Variants in LRRC69 observed in about 807,000 individuals in gnomAD.
LRRC69 encodes leucine-rich repeat-containing protein 69.
Under a neutral mutation model 37.8 loss-of-function variants are expected in LRRC69, and 42 were observed. The ratio of observed to expected loss-of-function variants is 1.11; its 90% CI spans 0.87 to 1.44. The LOEUF is 1.44. Ranked by LOEUF, LRRC69 falls within the 40% of genes most tolerant of loss-of-function variation. LRRC69 has a pLI of 0.00. For missense variants in LRRC69, 357 were observed against 401.9 expected, an observed-to-expected ratio of 0.89 and a Z score of 0.96; for synonymous variants, 141 against 143.1, an observed-to-expected ratio of 0.99 and a Z score of 0.11.
At chr8:91,134,431 G>A (rs1157981345) in intron 4 of LRRC69, among the ~76,000 whole-genome samples, 1 of 151,750 alleles carries the variant, frequency 6.6e-6, no homozygotes, top group Non-Finnish European at 1.5e-5. Flanking sequence ...CCAGCGTTCT[G>A]AGGTCCAAGG....
chr8:91,175,815 GTTT>G (rs11337903), intron 5 of LRRC69, among the ~76,000 whole-genome samples: 1 of 147,390 alleles, frequency 6.8e-6, no homozygotes. Flanking sequence ...CACCACCGGA[GTTT>G]TTTTTTTTTG....
chr8:91,110,442 C>G (rs1025056953), intron 1 of LRRC69, among the ~76,000 whole-genome samples: 2 of 151,910 alleles, frequency 1.3e-5, no homozygotes, highest in Non-Finnish European at 2.9e-5. Context: ...AAGTTTGAGA[C>G]CAGCCTTACC....
At chr8:91,135,766 T>C (rs1813902298) in intron 5 of LRRC69, 27 bp downstream of exon 5, 2 of 1,283,204 alleles carry the variant, frequency 1.6e-6, no homozygotes, top group Non-Finnish European at 2.1e-6. Context: ...TCCATTATAA[T>C]TGAAAAATAA....
At chr8:91,102,757 A>T in exon 1 of LRRC69, 1 of 1,552,004 alleles carries the variant, frequency 6.4e-7, no homozygotes, top group South Asian at 1.2e-5. Flanking sequence ...TGCCCTCAGC[A>T]TTAGGAAAAC....
At chr8:91,198,430 C>T (rs202113866) in intron 6 of LRRC69, among the ~76,000 whole-genome samples, 13 of 152,272 alleles carry the variant, frequency 8.5e-5, no homozygotes, top group African/African-American at 3.1e-4. Flanking sequence ...CTTGATGCTA[C>T]GTTTTAGTGC....
intron 6 of LRRC69, among the ~76,000 whole-genome samples, chr8:91,194,930 G>C (rs1204585077): frequency 6.6e-6 from 1 of 152,036 alleles, no homozygotes; most frequent in African/African-American, 2.4e-5. Flanking sequence ...TTTTAATTGT[G>C]ATGTTAGGGT....
At chr8:91,213,989 A>G (rs1047751230) in intron 7 of LRRC69, among the ~76,000 whole-genome samples, 26 of 152,180 alleles carry the variant, frequency 1.7e-4, no homozygotes, top group Middle Eastern at 3.4e-3. Context: ...CCTACTGAAC[A>G]TGTGGGGGAA....
chr8:91,148,290 T>A (rs1170812882), intron 5 of LRRC69, among the ~76,000 whole-genome samples: 3 of 151,540 alleles, frequency 2.0e-5, no homozygotes, highest in Non-Finnish European at 1.5e-5. Flanking sequence ...TGTCCATGTG[T>A]TCTCATTGTT....
intron 4 of LRRC69, 195 bp downstream of exon 4, chr8:91,133,500 C>A: frequency 2.3e-6 from 1 of 433,902 alleles, no homozygotes; most frequent in Non-Finnish European, 4.0e-6. Context: ...CTAGGGCTGC[C>A]AGATTTAGTA....
chr8:91,168,139 G>T (rs1489896493), intron 5 of LRRC69, among the ~76,000 whole-genome samples: 1 of 151,806 alleles, frequency 6.6e-6, no homozygotes, highest in Non-Finnish European at 1.5e-5. Flanking sequence ...TGAAGAAAAC[G>T]CTTAGGGCAT....
intron 1 of LRRC69, among the ~76,000 whole-genome samples, chr8:91,111,157 A>G (rs1378185469): frequency 6.6e-6 from 1 of 152,146 alleles, no homozygotes; most frequent in Non-Finnish European, 1.5e-5. Flanking sequence ...TGAATCATAG[A>G]ATCAACATAA....
intron 5 of LRRC69, among the ~76,000 whole-genome samples, chr8:91,166,492 G>GAA (rs66705016): frequency 0.05 from 4,733 of 94,638 alleles, 256 homozygotes; most frequent in African/African-American, 0.17. Flanking sequence ...AAAATAAACT[G>GAA]AAAAAAAAAA....
At position 91,103,288 on chromosome 8, in the gene LRRC69, TCA is replaced by T. The variant is rs1208312688; in HGVS notation, c.183+445_183+446del. ...TAGGATGCAGCAAGGGAGTTCCTTT[TCA>T]ATTTCCTAGGGCAGGCTGAAACTTT... On this transcript the variant is annotated intron_variant, in intron 1 of 7. Coordinates refer to ENST00000448384, the Ensembl canonical transcript of LRRC69. Among the ~76,000 whole-genome samples, 355 of 151,716 alleles carry T rather than the reference TCA, an allele frequency of 2.3e-3. 13 individuals are homozygous for T. The highest frequency in any genetic ancestry group is 5.3e-3 in the Admixed American group (80 of 15,170).
At chr8:91,156,222 C>T (rs921121927) in intron 5 of LRRC69, among the ~76,000 whole-genome samples, 1 of 150,848 alleles carries the variant, frequency 6.6e-6, no homozygotes, top group African/African-American at 2.4e-5. Context: ...TTATTTGTTT[C>T]TATTTGTTAC....
intron 5 of LRRC69, among the ~76,000 whole-genome samples, chr8:91,182,502 A>C (rs1196563328): frequency 6.6e-6 from 1 of 152,216 alleles, no homozygotes; most frequent in Admixed American, 6.5e-5. Context: ...GGTAATACTA[A>C]TTATTTACTC....
intron 2 of LRRC69, 132 bp downstream of exon 2, chr8:91,124,751 T>C: frequency 1.4e-6 from 1 of 710,262 alleles, no homozygotes; most frequent in South Asian, 2.0e-5. Context: ...ATACTACTCT[T>C]GAAATATAGG....
intron 1 of LRRC69, among the ~76,000 whole-genome samples, chr8:91,120,440 A>G (rs1274648954): frequency 6.6e-6 from 1 of 152,108 alleles, no homozygotes; most frequent in Non-Finnish European, 1.5e-5. Context: ...GGGCAGGGAA[A>G]GAACCTGGAT....
intron 3 of LRRC69, among the ~76,000 whole-genome samples, chr8:91,129,441 CAAAT>C (rs1290587873): frequency 6.6e-6 from 1 of 151,850 alleles, no homozygotes; most frequent in African/African-American, 2.4e-5. Context: ...TTTACTCACA[CAAAT>C]GAATGATGGA....
chr8:91,147,253 ATATAT>A (rs1429158915), intron 5 of LRRC69, among the ~76,000 whole-genome samples: 2 of 99,404 alleles, frequency 2.0e-5, no homozygotes, highest in African/African-American at 8.5e-5. Context: ...AACATATAAT[ATATAT>A]TATATATAAA....
Sources: allele counts gnomAD v4.1 joint callset (sites outside exome capture counted in the v4.1 genomes callset), GRCh38; gene constraint gnomAD v4.1.1; transcripts MANE v1.5; gene names NCBI Gene and HGNC (gene_info 2026-07-23, HGNC 2026-07-21).